Variants in MALT1 observed in about 807,000 individuals in gnomAD.
MALT1 encodes mucosa-associated lymphoid tissue lymphoma translocation protein 1.
MALT1 carries 36 observed loss-of-function variants against 85.5 expected under a neutral mutation model. The observed-to-expected ratio is 0.42, with a 90% CI of 0.32 to 0.56. The LOEUF (loss-of-function observed/expected upper bound fraction) is 0.56, where lower values mean the gene tolerates loss of function less well. MALT1 is among the 20% of genes least tolerant of loss of function. The pLI, the probability that MALT1 is intolerant of heterozygous loss-of-function variation, is 0.10. For missense variants in MALT1, 716 were observed against 981.6 expected (o/e 0.73, Z 3.62); for synonymous variants, 359 against 361.3 (o/e 0.99, Z 0.07).
At chr18:58,716,362 G>A (rs1420761757) in intron 9 of MALT1, among the ~76,000 whole-genome samples, 1 of 152,218 alleles carries the variant, frequency 6.6e-6, no homozygotes, top group South Asian at 2.1e-4. Context: ...AAAGAGAAAA[G>A]AATTTAGGAT....
At chr18:58,672,681 G>C (rs964910758) in intron 1 of MALT1, 4 of 152,132 alleles carry the variant, frequency 2.6e-5, no homozygotes, top group Middle Eastern at 3.4e-3. Flanking sequence ...TAATACTTTC[G>C]TGGAAAAACA....
chr18:58,710,930 A>G lies in MALT1; in HGVS notation c.935A>G (p.Asp312Gly). ...TTTTTTCTGAAACAAGGAAGAACAGATGAGGCAGTGGAGTGCACTGAAGGT... is the reference window on the plus strand; with the variant it reads ...TTTTTTCTGAAACAAGGAAGAACAGGTGAGGCAGTGGAGTGCACTGAAGGT... ...KKVEIIIGRT[D>G]EAVECTEDEL... The change falls in exon 7 of 17, where the codon GAT (aspartate) becomes GGT (glycine). Residue 312 changes from aspartate (D) to glycine (G), a missense_variant. Physicochemically the swap from Asp to Gly is moderately conservative, Grantham distance 94. Transcript: ENST00000649217. 1 of 1,583,078 alleles carries G rather than the reference A, an allele frequency of 6.3e-7. No homozygotes were observed. The highest frequency in any genetic ancestry group is 1.7e-4 in the Middle Eastern group (1 of 5,996).
intron 10 of MALT1, among the ~76,000 whole-genome samples, chr18:58,728,395 G>A (rs777347877): frequency 2.3e-5 from 3 of 129,538 alleles, no homozygotes; most frequent in Non-Finnish European, 4.8e-5. Flanking sequence ...CTTGAGCCCA[G>A]GAGTTTGAGA....
chr18:58,738,865 C>T (rs2055262305), intron 13 of MALT1, among the ~76,000 whole-genome samples: 1 of 151,948 alleles, frequency 6.6e-6, no homozygotes, highest in Non-Finnish European at 1.5e-5. Context: ...ATAATACTAG[C>T]GAGGACCGCT....
In MALT1 at chr18:58,723,244, A is replaced by G; in HGVS notation, c.1215A>G (p.Gly405=). Residue 405 remains glycine, a synonymous_variant, in exon 10 of 17, where the codon GGA becomes GGG. Coordinates refer to ENST00000649217, the MANE Select transcript of MALT1 (RefSeq NM_006785.4). The part of the protein sequence containing the change: ...VDEFLLLLDK[G]VYGLLYYAGH... The stretch of plus-strand genomic sequence containing the variant: ...AGTTTTTACTCCTTTTAGACAAGGG[A>G]GTATATGGTAAGATATTTATAATGT... The G allele has an allele frequency of 6.2e-7, 1 of 1,603,098 alleles. No individual in the cohort carries two copies. The highest frequency in any genetic ancestry group is 8.5e-7 in the Non-Finnish European group (1 of 1,170,334).
chr18:58,698,951 G>A (rs1290884399), intron 3 of MALT1, among the ~76,000 whole-genome samples: 1 of 152,110 alleles, frequency 6.6e-6, no homozygotes, highest in Non-Finnish European at 1.5e-5. Flanking sequence ...GTTGCCTGGG[G>A]GTAAAAGCTG....
chr18:58,709,328 T>A, intron 4 of MALT1, 50 bp from the exon 5 acceptor site: 2 of 1,285,332 alleles, frequency 1.6e-6, no homozygotes, highest in Non-Finnish European at 2.1e-6. Context: ...TATAGGGAAA[T>A]TTTATTTTTA....
chr18:58,709,538 G>C lies in MALT1; in HGVS notation c.810G>C (p.Glu270Asp), dbSNP rs765186001. The C allele has an allele frequency of 2.5e-6, 4 of 1,605,748 alleles. No individual in the cohort carries two copies. Among genetic ancestry groups the C allele is most frequent in the Non-Finnish European group, 8.5e-7 (1 of 1,177,344 alleles). Residue 270 changes from glutamate (E) to aspartate (D), a missense_variant, in exon 5 of 17, where the codon GAG (glutamate) becomes GAC (aspartate). By Grantham distance (45) the Glu-to-Asp change is conservative. Around this residue, in one of 4 missense-constraint regions of MALT1, gnomAD observed 290 missense variants for 380.5 expected, o/e 0.76. Coordinates refer to ENST00000649217, the MANE Select transcript of MALT1 (RefSeq NM_006785.4). ...WFKNELPLTHETKKLYMVPYV... is the reference protein window; with the variant it reads ...WFKNELPLTHDTKKLYMVPYV... ...AAAATGAATTACCATTAACACATGA[G>C]ACCAAAAAGCTATACATGGTAGGAA...
At chr18:58,746,733 T>G (rs938016887) in intron 16 of MALT1, among the ~76,000 whole-genome samples, 1 of 152,146 alleles carries the variant, frequency 6.6e-6, no homozygotes, top group Non-Finnish European at 1.5e-5. Context: ...AACCAGGTTT[T>G]TTTTTTTGTT....
intron 1 of MALT1, among the ~76,000 whole-genome samples, chr18:58,679,839 G>A (rs538149272): frequency 1.6e-4 from 25 of 152,120 alleles, no homozygotes; most frequent in Non-Finnish European, 2.8e-4. Flanking sequence ...GTGAGCCACC[G>A]TGCCCAGCCT....
At chr18:58,737,989 T>C (rs1348195266) in intron 13 of MALT1, among the ~76,000 whole-genome samples, 1 of 152,210 alleles carries the variant, frequency 6.6e-6, no homozygotes, top group Admixed American at 6.5e-5. Context: ...TTTTGTACTA[T>C]TCAGGACAGC....
chr18:58,744,645 A>G (rs1428758445), intron 15 of MALT1, 150 bp downstream of exon 15: 1 of 318,138 alleles, frequency 3.1e-6, no homozygotes, highest in Admixed American at 4.9e-5. Context: ...ACTGATCATA[A>G]TATTTACTAA....
rs967788516 is a variant in MALT1 at position 58,692,641 on chromosome 18, G to C, written c.377-3725G>C. On this transcript the variant is annotated intron_variant, in intron 2 of 16. Transcript: ENST00000649217. The stretch of plus-strand genomic sequence containing the variant: ...TTAGGCTGATTAATAACCCTACAGT[G>C]ATCTCTAAGTGTTCAGGTGAAAGGA... Among the ~76,000 whole-genome samples the C allele has an allele frequency of 2.6e-5, 4 of 152,214 alleles. No individual in the cohort carries two copies. The South Asian group carries it at 8.3e-4, about 32-fold the overall frequency.
rs1277604358 is a variant in MALT1 at position 58,747,556 on chromosome 18, G to T, written c.2189G>T (p.Cys730Phe). ...GGAAGGAAGACTTGCTTTCAAACTT[G>T]TCTTATGTCTAATGGTCCTTACCAG... Reference protein sequence around the residue: ...GLGRKTCFQTCLMSNGPYQSS... With the variant: ...GLGRKTCFQTFLMSNGPYQSS... Residue 730 changes from cysteine to phenylalanine, a missense_variant, in exon 17 of 17, where the codon TGT (cysteine) becomes TTT (phenylalanine). By Grantham distance (205) the Cys-to-Phe change is radical (BLOSUM62 -2). Transcript: ENST00000649217. The T allele has an allele frequency of 2.5e-6, 4 of 1,614,152 alleles. No individual in the cohort carries two copies. The highest frequency in any genetic ancestry group is 3.4e-6 in the Non-Finnish European group (4 of 1,180,024).
At chr18:58,737,899 A>G (rs75796509) in intron 13 of MALT1, among the ~76,000 whole-genome samples, 8,067 of 152,182 alleles carry the variant, frequency 0.053, 340 homozygotes, top group East Asian at 0.22. Flanking sequence ...ACCAATTTCA[A>G]CTGTGTGCAA....
chr18:58,684,347 T>C (rs2054366656), intron 2 of MALT1, among the ~76,000 whole-genome samples: 1 of 152,184 alleles, frequency 6.6e-6, no homozygotes. Context: ...AGCAAACATT[T>C]TGAGATCTAA....
Position 58,751,396 on chromosome 18 carries a change from AT to A in MALT1, c.*3567del, listed in dbSNP as rs35555686. On this transcript the variant is annotated 3_prime_UTR_variant, in exon 17 of 17. Transcript: ENST00000649217. ...CCCTTTATACTCTTCTGTATATTTGATTTTTTTTTTTTTAAGACAGAGTCCT... is the reference window on the plus strand; with the variant it reads ...CCCTTTATACTCTTCTGTATATTTGATTTTTTTTTTTTAAGACAGAGTCCT... 7.7e-3 allele frequency: 1,146 copies of A among 148,270 alleles called. 16 individuals carry two copies. Among genetic ancestry groups the A allele is most frequent in the Admixed American group, 0.025 (369 of 14,900 alleles). 9.2% of individuals were successfully genotyped at this position (148,270 alleles called of 1,614,324 possible).
In MALT1 at chr18:58,726,274, G is replaced by A. The variant is rs1371903251; in HGVS notation, c.1222+3023G>A. On this transcript the variant is annotated intron_variant, in intron 10 of 16. Transcript: ENST00000649217. ...TACTGATTCGTGTCTTAACAGGGTG[G>A]CTGCATTATATTTTGAAGTATTGTG... 2.6e-5 allele frequency among the ~76,000 whole-genome samples: 4 copies of A among 152,306 alleles called. No homozygotes were observed. In the East Asian group the frequency reaches 7.7e-4, roughly 29 times the overall value.
At chr18:58,697,007 A>G (rs1425808196) in intron 3 of MALT1, among the ~76,000 whole-genome samples, 2 of 152,180 alleles carry the variant, frequency 1.3e-5, no homozygotes, top group Non-Finnish European at 2.9e-5. Flanking sequence ...GCAGCACCCA[A>G]CAAATAATTT....
Sources: gnomAD v4.1 joint callset for allele counts (sites outside exome capture counted in the v4.1 genomes callset) on GRCh38, gnomAD v4.1.1 for gene constraint, gnomAD v4.1.1 regional missense constraint, MANE v1.5 for transcripts, NCBI Gene and HGNC (gene_info 2026-07-23, HGNC 2026-07-21) for gene names.